ANK3: variants seen among roughly 807,000 people sequenced by gnomAD.
ANK3 encodes the protein ankyrin 3.
In ANK3, 57 loss-of-function variants were observed where a neutral mutation model predicts 370.9. That is an observed-to-expected ratio of 0.15 (90% confidence interval 0.12 to 0.19). The LOEUF is 0.19. Among genes scored for constraint, ANK3 ranks in the 10% least tolerant of loss-of-function variants. The pLI is 1.00. For missense variants in ANK3, 4,439 were observed against 5,302.1 expected, an observed-to-expected ratio of 0.84 and a Z score of 5.06; for synonymous variants, 1,929 against 1,946.3, an observed-to-expected ratio of 0.99 and a Z score of 0.23.
At chr10:60,634,064 T>G (rs1056287684) in intron 1 of ANK3, among the ~76,000 whole-genome samples, 2 of 152,244 alleles carry the variant, frequency 1.3e-5, no homozygotes, top group Non-Finnish European at 2.9e-5. Flanking sequence ...GGAGTTCAGG[T>G]GTAACTATTT....
intron 2 of ANK3, among the ~76,000 whole-genome samples, chr10:60,470,899 C>T (rs2065201934): frequency 6.6e-6 from 1 of 152,134 alleles, no homozygotes; most frequent in South Asian, 2.1e-4. Flanking sequence ...GTCATCCTTT[C>T]CCACATCCCC....
rs753360050 is a variant in ANK3, at chr10:60,076,019, G to A, written c.4862C>T (p.Ser1621Phe). The change falls in exon 37 of 44, where the codon TCC becomes TTC. Residue 1621 changes from serine (S) to phenylalanine (F), a missense_variant. Physicochemically the swap from Ser to Phe is radical, Grantham distance 155 (BLOSUM62 -2). Transcript: ENST00000280772. Reference sequence around the variant, plus strand: ...TGTAGTCACTGGAGAGGTTCGAGAGGAAAACGTAGAATTGGATGCCAGCCC... The same window carrying A: ...TGTAGTCACTGGAGAGGTTCGAGAGAAAAACGTAGAATTGGATGCCAGCCC... Reference protein sequence around the residue: ...LKGLASNSTFSSRTSPVTTAG... With the variant: ...LKGLASNSTFFSRTSPVTTAG... The A allele has an allele frequency of 5.0e-6, 8 of 1,614,082 alleles. No homozygotes were observed. In the Admixed American group the frequency reaches 1.3e-4, roughly 27 times the overall value.
chr10:60,348,082 C>A (rs1384171258), intron 1 of ANK3, among the ~76,000 whole-genome samples: 1 of 152,006 alleles, frequency 6.6e-6, no homozygotes, highest in Non-Finnish European at 1.5e-5. Context: ...TTGTTTCCTA[C>A]ACTAATTTAG....
chr10:60,065,392 A>T (rs2081438965), intron 38 of ANK3, among the ~76,000 whole-genome samples: 1 of 152,232 alleles, frequency 6.6e-6, no homozygotes, highest in African/African-American at 2.4e-5. Flanking sequence ...ACAAAAAGTA[A>T]GAAATGGGCA....
At chr10:60,086,933 TTTC>T in intron 29 of ANK3, 49 bp from the exon 30 acceptor site, 1 of 1,353,562 alleles carries the variant, frequency 7.4e-7, no homozygotes, top group Non-Finnish European at 9.9e-7. Flanking sequence ...TTTTTTTTTT[TTTC>T]CCAATCATGA....
At chr10:60,627,220 A>C (rs1377746601) in intron 1 of ANK3, among the ~76,000 whole-genome samples, 2 of 152,098 alleles carry the variant, frequency 1.3e-5, no homozygotes, top group Admixed American at 6.6e-5. Context: ...TATTAAAGGA[A>C]CTCATAACAT....
chr10:60,309,862 T>C (rs191242648), intron 1 of ANK3, among the ~76,000 whole-genome samples: 2 of 152,098 alleles, frequency 1.3e-5, no homozygotes, highest in African/African-American at 4.8e-5. Flanking sequence ...TTAGCAGTTT[T>C]ATAACTGGCA....
intron 2 of ANK3, among the ~76,000 whole-genome samples, chr10:60,534,970 G>A (rs2076690182): frequency 1.3e-5 from 2 of 152,070 alleles, no homozygotes; most frequent in Admixed American, 1.3e-4. Flanking sequence ...TAAACCTTCA[G>A]GGATCCTTAA....
At chr10:60,098,099 T>C (rs1462896419) in intron 28 of ANK3, among the ~76,000 whole-genome samples, 1 of 152,106 alleles carries the variant, frequency 6.6e-6, no homozygotes, top group African/African-American at 2.4e-5. Context: ...AGCCATATGT[T>C]CCTCATCTAT....
intron 8 of ANK3, among the ~76,000 whole-genome samples, chr10:60,228,463 C>T (rs1438410012): frequency 2.8e-5 from 4 of 144,858 alleles, no homozygotes; most frequent in Non-Finnish European, 4.5e-5. Flanking sequence ...ACCTGGGAGA[C>T]GGAGGTTGCA....
chr10:60,247,840 G>C (rs1242293435), intron 7 of ANK3, among the ~76,000 whole-genome samples: 1 of 152,080 alleles, frequency 6.6e-6, no homozygotes, highest in African/African-American at 2.4e-5. Flanking sequence ...GCTAATTTTT[G>C]TATATTAGTA....
chr10:60,340,361 G>A (rs2053978124), intron 1 of ANK3, among the ~76,000 whole-genome samples: 1 of 152,120 alleles, frequency 6.6e-6, no homozygotes, highest in Non-Finnish European at 1.5e-5. Flanking sequence ...AGCCTCCTAA[G>A]TAGCTGGGGC....
chr10:60,586,037 AAAAC>A (rs2077826170), intron 2 of ANK3, among the ~76,000 whole-genome samples: 1 of 140,134 alleles, frequency 7.1e-6, no homozygotes, highest in African/African-American at 2.5e-5. Context: ...AACAAAAACA[AAAAC>A]AAACAAACAA....
intron 1 of ANK3, among the ~76,000 whole-genome samples, chr10:60,387,178 A>C (rs1312070485): frequency 6.6e-6 from 1 of 151,980 alleles, no homozygotes; most frequent in Non-Finnish European, 1.5e-5. Context: ...AAAAAATCCT[A>C]TACAATATTT....
At chr10:60,193,450 AG>A (rs1233194623) in intron 16 of ANK3, among the ~76,000 whole-genome samples, 2 of 152,128 alleles carry the variant, frequency 1.3e-5, no homozygotes, top group Non-Finnish European at 2.9e-5. Context: ...TGAGGTCAGG[AG>A]TTCAAGACCA....
In ANK3 at chr10:60,042,754, T is replaced by C; in HGVS notation, c.13071A>G (p.Gly4357=). The change falls in exon 43 of 44, where the codon GGA becomes GGG. Residue 4357 remains glycine, a synonymous_variant. Transcript: ENST00000280772. ...TCTTCGTTTTCACCTTAAAACCTTCTCCCTGCTTTGAAAGGAGTGTACATA... is the reference window on the plus strand; with the variant it reads ...TCTTCGTTTTCACCTTAAAACCTTCCCCCTGCTTTGAAAGGAGTGTACATA... ...EGSSGSEQKQ[G]EGFKVKTKKE... is the part of the protein sequence containing the mutation. 1 of 1,613,218 alleles carries C rather than the reference T, an allele frequency of 6.2e-7. No homozygotes were observed. The highest frequency in any genetic ancestry group is 1.1e-5 in the South Asian group (1 of 91,070).
chr10:60,451,161 C>T (rs766385893), intron 2 of ANK3, among the ~76,000 whole-genome samples: 17 of 152,120 alleles, frequency 1.1e-4, no homozygotes, highest in Admixed American at 3.3e-4. Flanking sequence ...CCAGCCACGC[C>T]GGAAGCTAGA....
In ANK3 at chr10:60,301,367, T is replaced by TAC. The variant is rs141317635; in HGVS notation, c.115-21730_115-21729dup. 4.9e-3 allele frequency among the ~76,000 whole-genome samples: 709 copies of TAC among 144,260 alleles called. 4 individuals are homozygous for TAC. The highest frequency in any genetic ancestry group is 6.6e-3 in the Non-Finnish European group (436 of 66,464). 94.6% of individuals were successfully genotyped at this position (144,260 alleles called of 152,430 possible). A position where few individuals can be genotyped will look rare whatever the true frequency, so the allele number is the denominator to read the frequency against. ...ATATACACACACATGCACGCACAGA[T>TAC]ACACACACACACACATACATACATA... is the stretch of plus-strand genomic sequence containing the variant. On this transcript the variant is annotated intron_variant, in intron 1 of 43. Coordinates refer to ENST00000280772, the MANE Select transcript of ANK3 (RefSeq NM_020987.5).
rs116741787 is a variant in ANK3 at position 60,034,719 on chromosome 10, A to T, written c.*20-4893T>A. ...ACTTAGCTGTGTCATGGCTTAAGGA[A>T]AGCCTGAGCCCACTGAGGACAAAGA... On this transcript the variant is annotated intron_variant, in intron 43 of 43. Transcript: ENST00000280772. Among the ~76,000 whole-genome samples, 717 of 152,274 alleles carry T rather than the reference A, an allele frequency of 4.7e-3. 6 individuals carry two copies. Among genetic ancestry groups the T allele is most frequent in the African/African-American group, 0.017 (686 of 41,548 alleles).
Sources: gnomAD v4.1 joint callset for allele counts (sites outside exome capture counted in the v4.1 genomes callset) on GRCh38, gnomAD v4.1.1 for gene constraint, MANE v1.5 for transcripts, NCBI Gene and HGNC (gene_info 2026-07-23, HGNC 2026-07-21) for gene names.